LAMA1: variants seen among roughly 807,000 people sequenced by gnomAD.
LAMA1 encodes laminin subunit alpha 1, also known as laminin subunit alpha-1.
LAMA1 carries 219 observed loss-of-function variants against 348.7 expected under a neutral mutation model. The ratio of observed to expected loss-of-function variants is 0.63; its 90% CI spans 0.56 to 0.70. The LOEUF (loss-of-function observed/expected upper bound fraction) is 0.70. Among genes scored for constraint, LAMA1 ranks in the 30% least tolerant of loss-of-function variants. LAMA1 has a pLI of 0.00. For missense variants in LAMA1, 3,744 were observed against 3,888.0 expected, an observed-to-expected ratio of 0.96 and a Z score of 0.99; for synonymous variants, 1,487 against 1,491.0, an observed-to-expected ratio of 1.00 and a Z score of 0.06.
intron 3 of LAMA1, among the ~76,000 whole-genome samples, chr18:7,078,064 C>CAAAAA (rs1293065808): frequency 9.1e-5 from 5 of 54,826 alleles, no homozygotes; most frequent in African/African-American, 2.8e-4. Flanking sequence ...AACTCCGTCT[C>CAAAAA]AAAAAAAAAA....
At chr18:6,992,510 C>T (rs7243349) in intron 36 of LAMA1, 51 bp downstream of exon 36, 609,736 of 1,588,720 alleles carry the variant, frequency 0.38, 124,458 homozygotes, top group East Asian at 0.73. Flanking sequence ...AGATAGCGTG[C>T]AAGTTTCTCT....
rs377001888 is a variant in LAMA1 at position 7,044,136 on chromosome 18, G to A, written c.976+586C>T. Reference sequence around the variant, plus strand: ...CGAGATCGCGCCACTGCACTCCAGCGTAGGTGACAGAGTGAGACTCCATCT... The same window carrying A: ...CGAGATCGCGCCACTGCACTCCAGCATAGGTGACAGAGTGAGACTCCATCT... On this transcript the variant is annotated intron_variant, in intron 7 of 62. Coordinates refer to ENST00000389658, the MANE Select transcript of LAMA1 (RefSeq NM_005559.4). Among the ~76,000 whole-genome samples, 44 of 133,558 alleles carry A rather than the reference G, an allele frequency of 3.3e-4. No individual in the cohort carries two copies. The East Asian group carries it at 5.8e-3, about 18-fold the overall frequency. The allele number at this position is 133,558 out of a possible 152,430, so 87.6% of individuals were successfully genotyped here.
intron 45 of LAMA1, among the ~76,000 whole-genome samples, chr18:6,975,434 T>C (rs2057677517): frequency 6.6e-6 from 1 of 152,178 alleles, no homozygotes; most frequent in South Asian, 2.1e-4. Flanking sequence ...GTCCCACCCC[T>C]GTCACAGACT....
chr18:7,061,173 A>G (rs1302139783), intron 3 of LAMA1, among the ~76,000 whole-genome samples: 1 of 152,180 alleles, frequency 6.6e-6, no homozygotes, highest in Non-Finnish European at 1.5e-5. Flanking sequence ...CCCCACAAAA[A>G]GTGTTGAACT....
intron 1 of LAMA1, among the ~76,000 whole-genome samples, chr18:7,092,915 T>C (rs1254460941): frequency 6.6e-6 from 1 of 152,142 alleles, no homozygotes; most frequent in Non-Finnish European, 1.5e-5. Flanking sequence ...TTTCCTGTGG[T>C]GGCAGCACAT....
At chr18:6,948,270 A>G in intron 60 of LAMA1, 133 bp downstream of exon 60, 3 of 1,199,828 alleles carry the variant, frequency 2.5e-6, no homozygotes, top group Admixed American at 1.9e-5. Context: ...TTAGGAATCA[A>G]CTGGAATACT....
chr18:7,107,906 C>G (rs950561805), intron 1 of LAMA1, among the ~76,000 whole-genome samples: 2 of 151,822 alleles, frequency 1.3e-5, no homozygotes, highest in African/African-American at 2.4e-5. Context: ...CCCAGCTACT[C>G]TGGAGGCTGA....
At position 6,999,935 on chromosome 18, in the gene LAMA1, C is replaced by A; in HGVS notation, c.4445G>T (p.Gly1482Val). Residue 1482 changes from glycine (G) to valine (V), a missense_variant, in exon 31 of 63, where the codon GGC (glycine) becomes GTC (valine). Gly to Val is a moderately radical substitution (Grantham distance 109). This residue lies in a region of LAMA1 where 1,983 missense variants were observed against 1,934.3 expected (regional missense o/e 1.03). Transcript: ENST00000389658. Reference sequence around the variant, plus strand: ...CCTTTCACAGTGTTTTCCTTCATAGCCCAGGAGACAGGCGTCACAACGGAA... The same window carrying A: ...CCTTTCACAGTGTTTTCCTTCATAGACCAGGAGACAGGCGTCACAACGGAA... The part of the protein sequence containing the change: ...HDFRCDACLL[G>V]YEGKHCERCS... 1 of 1,614,074 alleles carries A rather than the reference C, an allele frequency of 6.2e-7. No homozygotes were observed. The highest frequency in any genetic ancestry group is 8.5e-7 in the Non-Finnish European group (1 of 1,179,970).
rs1161109444 is a variant in LAMA1, at chr18:6,950,087, A to G, written c.8397+695T>C. 3.9e-5 allele frequency among the ~76,000 whole-genome samples: 6 copies of G among 152,256 alleles called. No individual in the cohort carries two copies. The East Asian group carries it at 1.2e-3, about 29-fold the overall frequency. On this transcript the variant is annotated intron_variant, in intron 58 of 62. Coordinates refer to ENST00000389658, the MANE Select transcript of LAMA1 (RefSeq NM_005559.4). ...ATATTTTTCAGACTTTGCATTCAGTATGAACCAAATGGCACCACCCAGAGC... is the reference window on the plus strand; with the variant it reads ...ATATTTTTCAGACTTTGCATTCAGTGTGAACCAAATGGCACCACCCAGAGC...
intron 51 of LAMA1, chr18:6,964,175 A>G (rs1281541842): frequency 5.4e-6 from 1 of 183,574 alleles, no homozygotes; most frequent in African/African-American, 2.4e-5. Context: ...ATTTTTCTGC[A>G]GAAGGCCTGC....
At chr18:7,012,593 C>T (rs1432162198) in intron 23 of LAMA1, among the ~76,000 whole-genome samples, 1 of 150,502 alleles carries the variant, frequency 6.6e-6, no homozygotes, top group Non-Finnish European at 1.5e-5. Flanking sequence ...GCAACCTCCA[C>T]CCCCCGGGTT....
chr18:7,117,717 G>T lies in LAMA1; in HGVS notation c.4C>A (p.Arg2Ser). ...AGCAAGACCAGGAGCACGCCCCCGC[G>T]CATCTCGCCTCCGCCGCCACTCGGT... M[R>S]GGVLLVLLLC... is the part of the protein sequence containing the mutation. Residue 2 changes from arginine to serine, a missense_variant, in exon 1 of 63, where the codon CGC becomes AGC. By Grantham distance (110) the Arg-to-Ser change is moderately radical. Around this residue, in one of 3 missense-constraint regions of LAMA1, gnomAD observed 1,529 missense variants for 1,689.4 expected, o/e 0.91. Transcript: ENST00000389658. 1 of 1,597,366 alleles carries T rather than the reference G, an allele frequency of 6.3e-7. No homozygotes were observed. Among genetic ancestry groups the T allele is most frequent in the Non-Finnish European group, 8.5e-7 (1 of 1,178,088 alleles).
intron 19 of LAMA1, among the ~76,000 whole-genome samples, chr18:7,018,680 C>T (rs1350316202): frequency 6.6e-6 from 1 of 152,132 alleles, no homozygotes; most frequent in Non-Finnish European, 1.5e-5. Flanking sequence ...CAGGCGTGAG[C>T]CACCGCGCCG....
At chr18:7,099,481 TA>T (rs1386272589) in intron 1 of LAMA1, among the ~76,000 whole-genome samples, 10 of 130,428 alleles carry the variant, frequency 7.7e-5, no homozygotes, top group African/African-American at 1.1e-4. Flanking sequence ...TAAATAAATT[TA>T]AAAAAAAACA....
Position 7,072,773 on chromosome 18 carries a change from C to T in LAMA1, c.345+7202G>A, listed in dbSNP as rs188066474. Among the ~76,000 whole-genome samples, 64 of 152,210 alleles carry T rather than the reference C, an allele frequency of 4.2e-4. 1 individual carries two copies. The highest frequency in any genetic ancestry group is 1.8e-3 in the Admixed American group (27 of 15,304). On this transcript the variant is annotated intron_variant, in intron 3 of 62. Coordinates refer to ENST00000389658, the MANE Select transcript of LAMA1 (RefSeq NM_005559.4). ...ACCACCTACTGAGAAGAAGTGTTTG[C>T]GCTGGTTGCTAAGCACCTGCCAGCC...
chr18:7,011,006 G>T (rs1011170711), intron 25 of LAMA1, among the ~76,000 whole-genome samples: 19 of 152,174 alleles, frequency 1.2e-4, no homozygotes, highest in African/African-American at 4.6e-4. Flanking sequence ...CCCCTAGAAT[G>T]TCTCTCCATT....
intron 3 of LAMA1, among the ~76,000 whole-genome samples, chr18:7,075,387 C>G (rs1699659830): frequency 6.6e-6 from 1 of 151,950 alleles, no homozygotes; most frequent in Non-Finnish European, 1.5e-5. Flanking sequence ...TTTTGGGAGG[C>G]CAAGGTGGGC....
chr18:7,005,042 G>A (rs1342499833), intron 29 of LAMA1, among the ~76,000 whole-genome samples: 1 of 152,182 alleles, frequency 6.6e-6, no homozygotes, highest in Non-Finnish European at 1.5e-5. Flanking sequence ...GAGCAAAGGC[G>A]TTAGGCTCAG....
chr18:6,975,848 ATT>A, intron 45 of LAMA1, 87 bp downstream of exon 45: 2 of 1,456,938 alleles, frequency 1.4e-6, no homozygotes, highest in Non-Finnish European at 9.5e-7. Context: ...ACTAAGGCCT[ATT>A]TTTTTTTCGT....
Sources: gnomAD v4.1 joint callset for allele counts (sites outside exome capture counted in the v4.1 genomes callset) on GRCh38, gnomAD v4.1.1 for gene constraint, gnomAD v4.1.1 regional missense constraint, MANE v1.5 for transcripts, NCBI Gene and HGNC (gene_info 2026-07-23, HGNC 2026-07-21) for gene names.